The following EYA1 variants were observed in gnomAD, a reference collection of about 807,000 sequenced individuals.
The protein encoded by EYA1 is EYA transcriptional coactivator and phosphatase 1.
A neutral mutation model predicts 82.0 loss-of-function variants in EYA1; 16 were observed. The ratio of observed to expected loss-of-function variants is 0.20; its 90% confidence interval spans 0.13 to 0.30. The LOEUF (loss-of-function observed/expected upper bound fraction) is 0.30, where lower values mean the gene tolerates loss of function less well. EYA1 is among the 10% of genes least tolerant of loss of function. The probability of loss-of-function intolerance (pLI) is 1.00; values close to 1 mark genes in which losing one functional copy is unlikely to be tolerated. For synonymous variants in EYA1, 261 were observed against 264.4 expected, an observed-to-expected ratio of 0.99 and a Z score of 0.12; for missense variants, 633 against 730.7, an observed-to-expected ratio of 0.87 and a Z score of 1.54.
At chr8:71,256,868 G>C (rs575206427) in intron 11 of EYA1, among the ~76,000 whole-genome samples, 1 of 151,902 alleles carries the variant, frequency 6.6e-6, no homozygotes, top group South Asian at 2.1e-4. Context: ...GCATGGTGGC[G>C]CATGCCTCTA....
chr8:71,373,461 A>G (rs1828195948), intron 2 of EYA1, among the ~76,000 whole-genome samples: 1 of 152,124 alleles, frequency 6.6e-6, no homozygotes, highest in Non-Finnish European at 1.5e-5. Context: ...TGAAAATTAT[A>G]TGAAACATTG....
chr8:71,333,992 T>C, intron 4 of EYA1, 105 bp downstream of exon 4: 1 of 804,154 alleles, frequency 1.2e-6, no homozygotes, highest in Non-Finnish European at 2.2e-6. Context: ...TATACCCACA[T>C]ATATACACAT....
At chr8:71,204,894 T>C (rs776976669) in intron 17 of EYA1, among the ~76,000 whole-genome samples, 149 of 152,340 alleles carry the variant, frequency 9.8e-4, no homozygotes, top group Non-Finnish European at 1.6e-3. Flanking sequence ...AGGATGACGA[T>C]GAAATCCAGT....
chr8:71,428,921 C>T (rs1354566310), intron 2 of EYA1, among the ~76,000 whole-genome samples: 8 of 151,920 alleles, frequency 5.3e-5, no homozygotes, highest in Admixed American at 4.6e-4. Flanking sequence ...TGTTTATTTT[C>T]AACAATTATT....
intron 7 of EYA1, among the ~76,000 whole-genome samples, chr8:71,307,313 T>C (rs2129010893): frequency 6.6e-6 from 1 of 152,306 alleles, no homozygotes; most frequent in South Asian, 2.1e-4. Context: ...TGGGATTTTT[T>C]TATTTTTTAG....
intron 2 of EYA1, among the ~76,000 whole-genome samples, chr8:71,412,531 T>C (rs1830662813): frequency 6.6e-6 from 1 of 152,172 alleles, no homozygotes; most frequent in African/African-American, 2.4e-5. Context: ...GAGATGCTTA[T>C]GGATAAAATA....
chr8:71,302,930 T>C (rs906413745), intron 7 of EYA1, among the ~76,000 whole-genome samples: 3 of 142,336 alleles, frequency 2.1e-5, no homozygotes, highest in African/African-American at 7.5e-5. Context: ...TTCAAACTGC[T>C]TACTAGGGTT....
chr8:71,198,078 T>A lies in EYA1; in HGVS notation c.*1262A>T, dbSNP rs994822547. On this transcript the variant is annotated 3_prime_UTR_variant, in exon 18 of 18. Transcript: ENST00000340726. ...TTTGCTGATTTCCGGATTAGCATCG[T>A]GTGTCTTCCTTTATCGAAAGAAAAT... The A allele has an allele frequency of 1.3e-5, 2 of 152,286 alleles. No individual in the cohort carries two copies. The highest frequency in any genetic ancestry group is 1.3e-4 in the Admixed American group (2 of 15,282). The allele number at this position is 152,286 out of a possible 1,614,324, so 9.4% of individuals were successfully genotyped here.
chr8:71,368,409 T>A (rs958067684), intron 2 of EYA1, among the ~76,000 whole-genome samples: 2 of 151,952 alleles, frequency 1.3e-5, no homozygotes, highest in African/African-American at 4.8e-5. Flanking sequence ...TGTCTTTCCC[T>A]GAGAGGAGGA....
At chr8:71,467,008 G>A (rs913749870) in intron 2 of EYA1, among the ~76,000 whole-genome samples, 3 of 151,990 alleles carry the variant, frequency 2.0e-5, no homozygotes, top group African/African-American at 7.2e-5. Context: ...TGAAACACCA[G>A]TTGGGAATAA....
chr8:71,375,882 G>A (rs893799589), intron 2 of EYA1, among the ~76,000 whole-genome samples: 30 of 152,122 alleles, frequency 2.0e-4, no homozygotes, highest in African/African-American at 6.8e-4. Context: ...ACCTGCCTCT[G>A]CCTCCCATCG....
In EYA1 at chr8:71,361,202, A is replaced by AT. The variant is rs1404026105; in HGVS notation, c.-55+444dup. 3.9e-5 allele frequency among the ~76,000 whole-genome samples: 6 copies of AT among 152,248 alleles called. No homozygotes were observed. In the South Asian group the frequency reaches 8.3e-4, roughly 21 times the overall value. ...TGTCCTTTCAAATGTTAAATGCTTC[A>AT]TTTTTTTCATATCAAAGTGTGTAAA... On this transcript the variant is annotated intron_variant, in intron 1 of 17. Coordinates refer to ENST00000340726, the MANE Select transcript of EYA1 (RefSeq NM_000503.6).
intron 4 of EYA1, among the ~76,000 whole-genome samples, chr8:71,330,049 A>G (rs1823642065): frequency 6.6e-6 from 1 of 152,132 alleles, no homozygotes; most frequent in South Asian, 2.1e-4. Context: ...TGTGGGGAGC[A>G]TGTCTACCAC....
chr8:71,531,170 T>C (rs542005918), intron 2 of EYA1: 2 of 152,294 alleles, frequency 1.3e-5, no homozygotes, highest in African/African-American at 4.8e-5. Flanking sequence ...CGTTTATTCA[T>C]TTTTCTGGAG....
intron 2 of EYA1, chr8:71,449,259 A>G (rs1321256080): frequency 6.5e-6 from 1 of 152,966 alleles, no homozygotes; most frequent in South Asian, 2.0e-4. Flanking sequence ...ACAACATCGT[A>G]ACAAAGTCAG....
At chr8:71,367,336 T>C (rs1292786236) in intron 2 of EYA1, among the ~76,000 whole-genome samples, 1 of 152,138 alleles carries the variant, frequency 6.6e-6, no homozygotes, top group Non-Finnish European at 1.5e-5. Flanking sequence ...AACACTTGAT[T>C]TATTCACTGA....
intron 9 of EYA1, among the ~76,000 whole-genome samples, chr8:71,277,933 C>T (rs763118759): frequency 6.6e-6 from 1 of 152,134 alleles, no homozygotes; most frequent in Non-Finnish European, 1.5e-5. Flanking sequence ...TTAAAATCCA[C>T]ATAAGATAAT....
At chr8:71,209,458 G>A (rs1285438752) in intron 17 of EYA1, among the ~76,000 whole-genome samples, 2 of 152,162 alleles carry the variant, frequency 1.3e-5, no homozygotes, top group Non-Finnish European at 2.9e-5. Flanking sequence ...GCACCAACCA[G>A]ACTCACGCAG....
In EYA1 at chr8:71,269,633, T is replaced by C. The variant is rs76660214; in HGVS notation, c.1050+107A>G. On this transcript the variant is annotated intron_variant, in intron 11 of 17. Coordinates refer to ENST00000340726, the MANE Select transcript of EYA1 (RefSeq NM_000503.6). ...ATTTGACTATATAGTTCTTCTCCAT[T>C]TATATTTTAAATTTGTTAAAGTTAA... The C allele has an allele frequency of 0.11, 82,766 of 760,636 alleles. 5,177 individuals are homozygous for C. Among genetic ancestry groups the C allele is most frequent in the Non-Finnish European group, 0.13 (60,214 of 456,902 alleles). 47.1% of individuals were successfully genotyped at this position (760,636 alleles called of 1,614,324 possible).
Sources: allele counts gnomAD v4.1 joint callset (sites outside exome capture counted in the v4.1 genomes callset), GRCh38; gene constraint gnomAD v4.1.1; transcripts MANE v1.5; gene names NCBI Gene and HGNC (gene_info 2026-07-23, HGNC 2026-07-21).